The following WBP4 variants were observed in gnomAD, a reference collection of about 807,000 sequenced individuals.
WBP4 encodes the protein WW domain-binding protein 4.
A neutral mutation model predicts 55.4 loss-of-function variants in WBP4; 37 were observed. That is an observed-to-expected ratio of 0.67 (90% confidence interval 0.51 to 0.88). The LOEUF (loss-of-function observed/expected upper bound fraction) is 0.88. Among genes scored for constraint, WBP4 ranks in the 40% least tolerant of loss-of-function variants. The pLI is 0.00. For missense variants in WBP4, 398 were observed against 420.8 expected, an observed-to-expected ratio of 0.95 and a Z score of 0.47; for synonymous variants, 142 against 140.2, an observed-to-expected ratio of 1.01 and a Z score of -0.09.
At chr13:41,064,500 T>C (rs1877855462) in intron 2 of WBP4, among the ~76,000 whole-genome samples, 1 of 152,202 alleles carries the variant, frequency 6.6e-6, no homozygotes, top group Non-Finnish European at 1.5e-5. Flanking sequence ...TTTGAACCAT[T>C]ACCACATTGT....
intron 1 of WBP4, chr13:41,062,108 T>TG (rs1412922596): frequency 8.0e-5 from 77 of 964,020 alleles, no homozygotes; most frequent in Middle Eastern, 5.3e-4. Context: ...TTTTTTTTTT[T>TG]TTTTTTTTTT....
chr13:41,082,620 A>G, intron 9 of WBP4, 84 bp from the exon 10 acceptor site: 1 of 1,273,090 alleles, frequency 7.9e-7, no homozygotes, highest in South Asian at 1.3e-5. Context: ...TAATGTCATT[A>G]GAAAGCTGAT....
Position 41,061,585 on chromosome 13 carries a change from C to A in WBP4, c.-89C>A. 6.2e-7 allele frequency: 1 copy of A among 1,605,338 alleles called. No individual in the cohort carries two copies. ...ATCGGAGGGAGGTTCGGGTGGGCATCGGGCGGCTGGAAGAGCTCGACTCGT... is the reference window on the plus strand; with the variant it reads ...ATCGGAGGGAGGTTCGGGTGGGCATAGGGCGGCTGGAAGAGCTCGACTCGT... On this transcript the variant is annotated 5_prime_UTR_variant, in exon 1 of 10. Transcript: ENST00000379487.
intron 5 of WBP4, among the ~76,000 whole-genome samples, 192 bp downstream of exon 5, chr13:41,068,929 C>A (rs1420532027): frequency 6.6e-6 from 1 of 152,116 alleles, no homozygotes; most frequent in Non-Finnish European, 1.5e-5. Context: ...GACTAAGTGT[C>A]ATACTTAGTC....
At chr13:41,061,703 C>G (rs776083195) in intron 1 of WBP4, 28 bp downstream of exon 1, 3 of 1,613,908 alleles carry the variant, frequency 1.9e-6, no homozygotes, top group South Asian at 1.1e-5. Flanking sequence ...CCCTGAACAA[C>G]GAGGTGTTGT....
rs751455237 is a variant in WBP4, at chr13:41,082,826, T to C, written c.1043T>C (p.Met348Thr). The change falls in exon 10 of 10, where the codon ATG becomes ACG. Residue 348 changes from methionine to threonine, a missense_variant. Physicochemically the swap from Met to Thr is moderately conservative, Grantham distance 81 (BLOSUM62 -1). Coordinates refer to ENST00000379487, the MANE Select transcript of WBP4 (RefSeq NM_007187.5). Reference sequence around the variant, plus strand: ...AAAACAGTCACTTCTCTTGGAGTTATGGCAGATGGAGTGGCCCCAGTCTTC... The same window carrying C: ...AAAACAGTCACTTCTCTTGGAGTTACGGCAGATGGAGTGGCCCCAGTCTTC... ...KEKTVTSLGV[M>T]ADGVAPVFKK... 30 of 1,614,032 alleles carry C rather than the reference T, an allele frequency of 1.9e-5. No homozygotes were observed. Among genetic ancestry groups the C allele is most frequent in the Admixed American group, 6.7e-5 (4 of 59,996 alleles).
At chr13:41,068,157 G>A (rs1332696256) in intron 4 of WBP4, among the ~76,000 whole-genome samples, 2 of 152,036 alleles carry the variant, frequency 1.3e-5, no homozygotes, top group Admixed American at 6.5e-5. Context: ...AATAGTGAAC[G>A]TTGTACCCAG....
intron 4 of WBP4, among the ~76,000 whole-genome samples, chr13:41,067,943 G>T (rs948919265): frequency 6.6e-6 from 1 of 151,974 alleles, no homozygotes; most frequent in East Asian, 1.9e-4. Flanking sequence ...TAATAAAAAG[G>T]GGGGAAGGGA....
At chr13:41,062,106 T>TTTG (rs1555284051) in intron 1 of WBP4, 2 of 955,956 alleles carry the variant, frequency 2.1e-6, no homozygotes, top group East Asian at 2.4e-4. Flanking sequence ...GTTTTTTTTT[T>TTTG]TTTTTTTTTT....
chr13:41,080,618 G>A (rs1416234354), intron 8 of WBP4, 28 bp from the exon 9 acceptor site: 2 of 1,551,812 alleles, frequency 1.3e-6, no homozygotes, highest in Non-Finnish European at 1.7e-6. Context: ...TGCTTGAACT[G>A]TATTATTTCT....
intron 6 of WBP4, among the ~76,000 whole-genome samples, chr13:41,072,438 G>A (rs1878290831): frequency 6.6e-6 from 1 of 152,202 alleles, no homozygotes; most frequent in African/African-American, 2.4e-5. Context: ...GAAGGCCAAG[G>A]GAAAACAGTC....
At position 41,082,824 on chromosome 13, in the gene WBP4, T is replaced by A. The variant is rs371734915; in HGVS notation, c.1041T>A (p.Val347=). The change falls in exon 10 of 10, where the codon GTT becomes GTA. Residue 347 remains valine, a synonymous_variant. Coordinates refer to ENST00000379487, the MANE Select transcript of WBP4 (RefSeq NM_007187.5). ...AAAAAACAGTCACTTCTCTTGGAGT[T>A]ATGGCAGATGGAGTGGCCCCAGTCT... The part of the protein sequence containing the change: ...FKEKTVTSLG[V]MADGVAPVFK... 70 of 1,614,130 alleles carry A rather than the reference T, an allele frequency of 4.3e-5. No homozygotes were observed. The East Asian group carries it at 1.2e-3, about 27-fold the overall frequency.
At position 41,072,776 on chromosome 13, in the gene WBP4, T is replaced by C; in HGVS notation, c.487-6T>C. The C allele has an allele frequency of 6.2e-7, 1 of 1,612,784 alleles. No individual in the cohort carries two copies. Among genetic ancestry groups the C allele is most frequent in the Non-Finnish European group, 8.5e-7 (1 of 1,179,464 alleles). ...AGTTTATGCTGGGTTTTTTTCCTCC[T>C]ATTAGACAGCAGTGAAGACCGTTTG... On this transcript the variant is annotated splice_region_variant and splice_polypyrimidine_tract_variant and intron_variant, in intron 6 of 9. Coordinates refer to ENST00000379487, the MANE Select transcript of WBP4 (RefSeq NM_007187.5).
intron 4 of WBP4, among the ~76,000 whole-genome samples, chr13:41,066,963 A>C (rs909891187): frequency 7.9e-5 from 12 of 152,194 alleles, no homozygotes; most frequent in African/African-American, 2.4e-4. Context: ...TAACTAGCCA[A>C]TCCTTTGGAA....
Position 41,061,578 on chromosome 13 carries a change from T to C in WBP4, c.-96T>C. ...TGTCTGGATCGGAGGGAGGTTCGGGTGGGCATCGGGCGGCTGGAAGAGCTC... is the reference window on the plus strand; with the variant it reads ...TGTCTGGATCGGAGGGAGGTTCGGGCGGGCATCGGGCGGCTGGAAGAGCTC... On this transcript the variant is annotated 5_prime_UTR_variant, in exon 1 of 10. Coordinates refer to ENST00000379487, the MANE Select transcript of WBP4 (RefSeq NM_007187.5). 6.3e-7 allele frequency: 1 copy of C among 1,592,292 alleles called. No homozygotes were observed. Among genetic ancestry groups the C allele is most frequent in the Non-Finnish European group, 8.6e-7 (1 of 1,163,294 alleles).
intron 2 of WBP4, among the ~76,000 whole-genome samples, chr13:41,063,892 A>G (rs1397963770): frequency 6.6e-6 from 1 of 152,200 alleles, no homozygotes; most frequent in Non-Finnish European, 1.5e-5. Context: ...TTAATGCATC[A>G]TGTAAGATTT....
intron 2 of WBP4, among the ~76,000 whole-genome samples, chr13:41,064,040 A>G (rs1877829709): frequency 6.6e-6 from 1 of 151,416 alleles, no homozygotes; most frequent in Non-Finnish European, 1.5e-5. Flanking sequence ...CCAGTCATCT[A>G]GTGGCCATCA....
intron 8 of WBP4, among the ~76,000 whole-genome samples, chr13:41,077,371 A>C (rs1254723961): frequency 6.6e-6 from 1 of 152,182 alleles, no homozygotes; most frequent in Non-Finnish European, 1.5e-5. Flanking sequence ...TCATGCCTGT[A>C]ATCTCAGCAC....
chr13:41,072,752 G>A, intron 6 of WBP4, 30 bp from the exon 7 acceptor site: 2 of 1,600,262 alleles, frequency 1.2e-6, no homozygotes, highest in Non-Finnish European at 1.7e-6. Context: ...GTTATCCTTA[G>A]TTTATGCTGG....
Sources: allele counts gnomAD v4.1 joint callset (sites outside exome capture counted in the v4.1 genomes callset), GRCh38; gene constraint gnomAD v4.1.1; transcripts MANE v1.5; gene names NCBI Gene and HGNC (gene_info 2026-07-23, HGNC 2026-07-21).